The following NEDD4L variants were observed in gnomAD, a reference collection of about 807,000 sequenced individuals.
NEDD4L encodes E3 ubiquitin-protein ligase NEDD4-like.
Under a neutral mutation model 148.9 loss-of-function variants are expected in NEDD4L, and 54 were observed. The observed-to-expected ratio is 0.36, with a 90% CI of 0.29 to 0.45. NEDD4L has a LOEUF of 0.45. NEDD4L is among the 20% of genes least tolerant of loss of function. The probability of loss-of-function intolerance (pLI) is 1.00; values close to 1 mark genes in which losing one functional copy is unlikely to be tolerated. For missense variants in NEDD4L, 856 were observed against 1,233.8 expected (o/e 0.69, Z 4.59); for synonymous variants, 433 against 440.7 (o/e 0.98, Z 0.22).
At chr18:58,142,177 G>T (rs1180591895) in intron 1 of NEDD4L, among the ~76,000 whole-genome samples, 2 of 148,688 alleles carry the variant, frequency 1.3e-5, no homozygotes, top group Non-Finnish European at 1.5e-5. Flanking sequence ...CTCCCGAGTA[G>T]CTGGGACTAC....
chr18:58,066,233 A>C (rs927643642), intron 1 of NEDD4L, among the ~76,000 whole-genome samples: 1 of 152,088 alleles, frequency 6.6e-6, no homozygotes, highest in Non-Finnish European at 1.5e-5. Context: ...ATTTGTGTAG[A>C]AGTTAGGTGG....
At position 58,399,287 on chromosome 18, in the gene NEDD4L, C is replaced by T. The variant is rs1326175765; in HGVS notation, c.*3018C>T. On this transcript the variant is annotated 3_prime_UTR_variant, in exon 31 of 31. Transcript: ENST00000400345. The stretch of plus-strand genomic sequence containing the variant: ...TTGCGGTGTATTCCCAGCTTCAGTG[C>T]TCTTTTCCTTTTTGCCTGAAATGTT... The T allele has an allele frequency of 6.6e-6, 1 of 152,226 alleles. No individual in the cohort carries two copies. The highest frequency in any genetic ancestry group is 1.9e-4 in the East Asian group (1 of 5,192). The allele number at this position is 152,226 out of a possible 1,614,324, so 9.4% of individuals were successfully genotyped here. A position where few individuals can be genotyped will look rare whatever the true frequency, so the allele number is the denominator to read the frequency against.
In NEDD4L at chr18:58,256,271, C is replaced by G. The variant is rs1430267786; in HGVS notation, c.297+4217C>G. 1 of 1,231,094 alleles carries G rather than the reference C, an allele frequency of 8.1e-7. No homozygotes were observed. Among genetic ancestry groups the G allele is most frequent in the Non-Finnish European group, 1.0e-6 (1 of 987,602 alleles). 76.3% of individuals were successfully genotyped at this position (1,231,094 alleles called of 1,614,324 possible). The stretch of plus-strand genomic sequence containing the variant: ...CCAGGTGAGGCTGCTGCCCCTGGGC[C>G]CCGATGGCCAGGGCGGCCCGGCCGC... On this transcript the variant is annotated intron_variant, in intron 5 of 30. Coordinates refer to ENST00000400345, the MANE Select transcript of NEDD4L (RefSeq NM_001144967.3). This position sits in a 1 kb window ranked among gnomAD's most constrained non-coding sequence, Gnocchi z 5.2.
intron 1 of NEDD4L, among the ~76,000 whole-genome samples, chr18:58,065,553 T>TA (rs1356191510): frequency 3.3e-5 from 5 of 152,358 alleles, no homozygotes; most frequent in Non-Finnish European, 7.4e-5. Flanking sequence ...TTTTAAGAGA[T>TA]ACGCTGGATG....
chr18:58,132,138 A>T (rs2032244064), intron 1 of NEDD4L, among the ~76,000 whole-genome samples: 1 of 152,112 alleles, frequency 6.6e-6, no homozygotes, highest in African/African-American at 2.4e-5. Context: ...GGGCTGAGGG[A>T]TTGAGTTTTT....
intron 2 of NEDD4L, 47 bp from the exon 3 acceptor site, chr18:58,245,380 T>C: frequency 1.1e-6 from 1 of 914,228 alleles, no homozygotes; most frequent in Non-Finnish European, 1.7e-6. Context: ...GTTTTCTCTT[T>C]TGAATGAAAA....
intron 5 of NEDD4L, among the ~76,000 whole-genome samples, chr18:58,257,979 G>A (rs1236676798): frequency 1.3e-5 from 2 of 152,126 alleles, no homozygotes; most frequent in African/African-American, 4.8e-5. Flanking sequence ...CTCTAGAATT[G>A]TATTGTCTTT....
chr18:58,047,790 G>A (rs182575032), intron 1 of NEDD4L, among the ~76,000 whole-genome samples: 81 of 152,254 alleles, frequency 5.3e-4, no homozygotes, highest in Non-Finnish European at 6.2e-4. Flanking sequence ...TTGAGTCCTT[G>A]TGGATTTCTT....
At chr18:58,328,861 A>T in intron 9 of NEDD4L, 134 bp from the exon 10 acceptor site, 1 of 854,022 alleles carries the variant, frequency 1.2e-6, no homozygotes, top group Non-Finnish European at 1.9e-6. Context: ...CTCACATTGG[A>T]TGACCAGCTA....
At chr18:58,277,191 TTGA>T (rs1214105692) in intron 5 of NEDD4L, among the ~76,000 whole-genome samples, 2 of 152,030 alleles carry the variant, frequency 1.3e-5, no homozygotes, top group Non-Finnish European at 2.9e-5. Flanking sequence ...CCTCAGAACT[TTGA>T]TTTGATCTTT....
intron 2 of NEDD4L, among the ~76,000 whole-genome samples, chr18:58,222,726 C>T (rs564780892): frequency 6.6e-6 from 1 of 151,978 alleles, no homozygotes; most frequent in African/African-American, 2.4e-5. Context: ...TTAAGATGGC[C>T]GGAATTCTAA....
intron 3 of NEDD4L, among the ~76,000 whole-genome samples, chr18:58,245,830 G>C (rs1485368449): frequency 6.9e-6 from 1 of 144,930 alleles, no homozygotes; most frequent in African/African-American, 2.6e-5. Flanking sequence ...ACAGGCACCT[G>C]TCACCATGCC....
chr18:58,196,611 T>C (rs904393430), intron 2 of NEDD4L, among the ~76,000 whole-genome samples: 4 of 152,150 alleles, frequency 2.6e-5, no homozygotes, highest in African/African-American at 9.7e-5. Flanking sequence ...ACCCATGTTA[T>C]GTGCCATTAA....
intron 2 of NEDD4L, among the ~76,000 whole-genome samples, chr18:58,186,438 G>A (rs2039491506): frequency 6.6e-6 from 1 of 152,124 alleles, no homozygotes; most frequent in African/African-American, 2.4e-5. Context: ...AGCCCATCGT[G>A]AATTCATATT....
intron 18 of NEDD4L, among the ~76,000 whole-genome samples, chr18:58,352,145 A>AT (rs1261970369): frequency 6.6e-6 from 1 of 152,210 alleles, no homozygotes; most frequent in African/African-American, 2.4e-5. Flanking sequence ...TTTAAACCAG[A>AT]TATTTCAAGG....
intron 1 of NEDD4L, among the ~76,000 whole-genome samples, chr18:58,150,966 TG>T (rs1433757358): frequency 2.6e-4 from 40 of 152,324 alleles, no homozygotes; most frequent in African/African-American, 9.1e-4. Flanking sequence ...CTTTGAACTT[TG>T]GCACTGTTGG....
chr18:58,055,565 A>C (rs996561428), intron 1 of NEDD4L, among the ~76,000 whole-genome samples: 1 of 152,226 alleles, frequency 6.6e-6, no homozygotes, highest in Non-Finnish European at 1.5e-5. Context: ...GTTCAGTGGA[A>C]CACTTATTTA....
At position 58,349,530 on chromosome 18, in the gene NEDD4L, C is replaced by G. The variant is rs1323730022; in HGVS notation, c.1576-7C>G. 1 of 1,612,182 alleles carries G rather than the reference C, an allele frequency of 6.2e-7. No individual in the cohort carries two copies. The highest frequency in any genetic ancestry group is 8.5e-7 in the Non-Finnish European group (1 of 1,178,362). On this transcript the variant is annotated splice_region_variant and splice_polypyrimidine_tract_variant and intron_variant, in intron 16 of 30. Coordinates refer to ENST00000400345, the MANE Select transcript of NEDD4L (RefSeq NM_001144967.3). ...AGCATCTACTGTCTTTTACATTTTT[C>G]TTGCAGGAAGATCCACGTTTGAAAT...
chr18:58,190,873 C>T (rs996042531), intron 2 of NEDD4L, among the ~76,000 whole-genome samples: 3 of 152,262 alleles, frequency 2.0e-5, no homozygotes, highest in South Asian at 2.1e-4. Context: ...CACCTAAAAT[C>T]CCAGCACTTT....
Sources: allele counts gnomAD v4.1 joint callset (sites outside exome capture counted in the v4.1 genomes callset), GRCh38; gene constraint gnomAD v4.1.1; non-coding constraint Gnocchi (gnomAD v3.1); transcripts MANE v1.5; gene names NCBI Gene and HGNC (gene_info 2026-07-23, HGNC 2026-07-21).